Variants in SYT12 observed in about 807,000 individuals in gnomAD.
SYT12 encodes synaptotagmin-12.
Under a neutral mutation model 39.5 loss-of-function variants are expected in SYT12, and 27 were observed. The observed-to-expected ratio is 0.68, with a 90% CI of 0.50 to 0.94. The LOEUF is 0.94. SYT12 is among the 40% of genes least tolerant of loss of function. The pLI, the probability that SYT12 is intolerant of heterozygous loss-of-function variation, is 0.00. For synonymous variants in SYT12, 233 were observed against 239.7 expected (o/e 0.97, Z 0.26); for missense variants, 536 against 572.6 (o/e 0.94, Z 0.65).
rs754881106 is a variant in SYT12, at chr11:67,023,154, G to T, written c.-330G>T. ...TGGGGATCTCCGGCTCGGACCCCAG[G>T]AGCAGAGACAGCGCTCGAGCTTGTC... On this transcript the variant is annotated 5_prime_UTR_variant, in exon 1 of 8. Coordinates refer to ENST00000527043, the MANE Select transcript of SYT12 (RefSeq NM_177963.4). Among the ~76,000 whole-genome samples the T allele has an allele frequency of 7.9e-5, 12 of 152,214 alleles. No individual in the cohort carries two copies. Among genetic ancestry groups the T allele is most frequent in the Admixed American group, 4.6e-4 (7 of 15,286 alleles).
At chr11:67,019,703 A>T (rs938880141), upstream of SYT12, among the ~76,000 whole-genome samples, 6 of 151,800 alleles carry the variant, frequency 4.0e-5, no homozygotes, top group African/African-American at 9.7e-5. Context: ...TTCATGACCA[A>T]CCTGGGCAAC....
intron 2 of SYT12, among the ~76,000 whole-genome samples, chr11:67,010,446 G>A (rs1417475701): frequency 6.6e-6 from 1 of 152,198 alleles, no homozygotes; most frequent in African/African-American, 2.4e-5. Context: ...TGTCCAGACA[G>A]TGGACAACAT....
intron 1 of SYT12, chr11:67,027,130 C>CCT (rs1346874238): frequency 3.9e-5 from 6 of 152,452 alleles, no homozygotes; most frequent in African/African-American, 1.4e-4. Flanking sequence ...CCTCTAGGAG[C>CCT]CTCGACCTCT....
At chr11:67,037,316 T>C (rs1428165960) in intron 3 of SYT12, among the ~76,000 whole-genome samples, 1 of 152,164 alleles carries the variant, frequency 6.6e-6, no homozygotes, top group Non-Finnish European at 1.5e-5. Flanking sequence ...CTGCAGTATT[T>C]GTATTTCTGA....
chr11:67,012,512 G>A (rs1336742954), intron 3 of SYT12, among the ~76,000 whole-genome samples: 2 of 152,158 alleles, frequency 1.3e-5, no homozygotes, highest in African/African-American at 2.4e-5. Flanking sequence ...TCTTGGCTAC[G>A]AGTTGGCCTC....
At chr11:67,036,018 G>A (rs910823325) in intron 3 of SYT12, among the ~76,000 whole-genome samples, 34 of 149,228 alleles carry the variant, frequency 2.3e-4, no homozygotes, top group African/African-American at 6.2e-4. Flanking sequence ...GGGTTCAAGC[G>A]ATCCTCCCAC....
At chr11:67,040,231 G>A (rs779301088) in intron 4 of SYT12, 28 bp downstream of exon 4, 1 of 1,551,774 alleles carries the variant, frequency 6.4e-7, no homozygotes, top group African/African-American at 1.4e-5. Context: ...CGGGGCAGAA[G>A]GGTGCTCTGG....
Position 67,048,848 on chromosome 11 carries a change from C to T in SYT12, c.*91C>T. On this transcript the variant is annotated 3_prime_UTR_variant, in exon 8 of 8. Coordinates refer to ENST00000527043, the MANE Select transcript of SYT12 (RefSeq NM_177963.4). ...TGCCCTCTCCATAGCCCAGCTGGAGCCGTGAACACTGGGGTCCCCTGGCAG... is the reference window on the plus strand; with the variant it reads ...TGCCCTCTCCATAGCCCAGCTGGAGTCGTGAACACTGGGGTCCCCTGGCAG... The T allele has an allele frequency of 7.0e-7, 1 of 1,433,654 alleles. No homozygotes were observed. 88.8% of individuals were successfully genotyped at this position (1,433,654 alleles called of 1,614,324 possible). A position where few individuals can be genotyped will look rare whatever the true frequency, so the allele number is the denominator to read the frequency against.
upstream of SYT12, chr11:67,021,889 A>G (rs144748448): frequency 3.3e-5 from 5 of 151,916 alleles, no homozygotes; most frequent in African/African-American, 1.2e-4. Context: ...TGAAATGAAG[A>G]CAAAAGCGCC....
At chr11:67,027,665 A>T (rs1410227170) in intron 1 of SYT12, 1 of 152,372 alleles carries the variant, frequency 6.6e-6, no homozygotes, top group Admixed American at 6.5e-5. Flanking sequence ...TGGGCCAGCC[A>T]TGGAGGTGAT....
intron 3 of SYT12, among the ~76,000 whole-genome samples, chr11:67,038,974 G>A (rs7103419): frequency 0.75 from 112,291 of 150,636 alleles, 46,334 homozygotes; most frequent in South Asian, 0.93. Context: ...GCGATGCAGC[G>A]AGACTCTGTC....
intron 3 of SYT12, among the ~76,000 whole-genome samples, chr11:67,038,083 T>C (rs1950418467): frequency 6.6e-6 from 1 of 151,176 alleles, no homozygotes; most frequent in Non-Finnish European, 1.5e-5. Context: ...GCATGGAAGA[T>C]GCTTATGGAA....
At chr11:67,048,561 C>T (rs1854638915) in intron 7 of SYT12, 23 bp from the exon 8 acceptor site, 1 of 1,585,664 alleles carries the variant, frequency 6.3e-7, no homozygotes, top group African/African-American at 1.3e-5. Context: ...TGGTCCTCAG[C>T]ACCCATGTTG....
chr11:67,038,076 TG>T (rs1950418237), intron 3 of SYT12, among the ~76,000 whole-genome samples: 1 of 151,120 alleles, frequency 6.6e-6, no homozygotes, highest in Non-Finnish European at 1.5e-5. Flanking sequence ...AATGAAGGCA[TG>T]GAAGATGCTT....
chr11:67,040,335 C>A, intron 4 of SYT12, 132 bp downstream of exon 4: 1 of 1,283,618 alleles, frequency 7.8e-7, no homozygotes, highest in Non-Finnish European at 1.1e-6. Context: ...GATCCCAGAG[C>A]TGAAGCTTCA....
chr11:67,025,167 A>G (rs1401321072), intron 1 of SYT12, among the ~76,000 whole-genome samples: 1 of 152,172 alleles, frequency 6.6e-6, no homozygotes, highest in Non-Finnish European at 1.5e-5. Flanking sequence ...CAGCTTCCTC[A>G]TCTATAAAAG....
At position 67,048,981 on chromosome 11, in the gene SYT12, C is replaced by A. The variant is rs1440594209; in HGVS notation, c.*224C>A. ...TGCTCCTGCTGAGGACCAGCTGTGG[C>A]TGGGCCAGGACAGAGGACTCAACCC... On this transcript the variant is annotated 3_prime_UTR_variant, in exon 8 of 8. Transcript: ENST00000527043. 2.1e-5 allele frequency: 11 copies of A among 530,712 alleles called. No homozygotes were observed. Among genetic ancestry groups the A allele is most frequent in the Non-Finnish European group, 3.6e-5 (11 of 301,724 alleles). The allele number at this position is 530,712 out of a possible 1,614,324, so 32.9% of individuals were successfully genotyped here. A position where few individuals can be genotyped will look rare whatever the true frequency, so the allele number is the denominator to read the frequency against.
chr11:67,038,505 A>G (rs960501297), intron 3 of SYT12, among the ~76,000 whole-genome samples: 2 of 152,048 alleles, frequency 1.3e-5, no homozygotes, highest in Admixed American at 6.6e-5. Flanking sequence ...GTCACCCAAC[A>G]TGAAAGCTTC....
upstream of SYT12, among the ~76,000 whole-genome samples, chr11:67,020,823 G>A (rs527848405): frequency 1.3e-5 from 2 of 152,266 alleles, no homozygotes; most frequent in East Asian, 1.9e-4. Flanking sequence ...CCACCTCCTG[G>A]GTTCAAGCGA....
Sources: gnomAD v4.1 joint callset for allele counts (sites outside exome capture counted in the v4.1 genomes callset) on GRCh38, gnomAD v4.1.1 for gene constraint, MANE v1.5 for transcripts, NCBI Gene and HGNC (gene_info 2026-07-23, HGNC 2026-07-21) for gene names.